Variants in MICAL2 observed in about 807,000 individuals in gnomAD.
The protein encoded by MICAL2 is microtubule associated monooxygenase, calponin and LIM domain containing 2, also known as [F-actin]-monooxygenase MICAL2.
MICAL2 carries 77 observed loss-of-function variants against 127.3 expected under a neutral mutation model. That is an observed-to-expected ratio of 0.60 (90% confidence interval 0.50 to 0.73). The LOEUF (loss-of-function observed/expected upper bound fraction) is 0.73, where lower values mean the gene tolerates loss of function less well. Ranked by LOEUF, MICAL2 falls within the 30% of genes least tolerant of loss-of-function variation. The probability of loss-of-function intolerance (pLI) is 0.00; values close to 1 mark genes in which losing one functional copy is unlikely to be tolerated. For missense variants in MICAL2, 1,351 were observed against 1,434.4 expected (o/e 0.94, Z 0.94); for synonymous variants, 570 against 551.1 (o/e 1.03, Z -0.48).
chr11:12,196,783 C>T (rs759587028), intron 3 of MICAL2, among the ~76,000 whole-genome samples: 8 of 152,202 alleles, frequency 5.3e-5, no homozygotes, highest in East Asian at 1.9e-4. Flanking sequence ...AGTCCCTCCA[C>T]GATCTGGCTC....
Position 12,179,510 on chromosome 11 carries a change from C to T in MICAL2, c.264+17091C>T, listed in dbSNP as rs139132605. On this transcript the variant is annotated intron_variant, in intron 3 of 27. Transcript: ENST00000683283. ...GGAGCTGCTGCTTCTCTTACCATGT[C>T]ATTCTCATGAGACCTGCTGCAAATC... Among the ~76,000 whole-genome samples the T allele has an allele frequency of 2.5e-3, 376 of 152,342 alleles. 7 individuals are homozygous for T. The highest frequency in any genetic ancestry group is 9.1e-3 in the East Asian group (47 of 5,188).
chr11:12,209,711 T>C lies in MICAL2; in HGVS notation c.691+113T>C, dbSNP rs112164750. 2,298 of 954,660 alleles carry C rather than the reference T, an allele frequency of 2.4e-3. 38 individuals carry two copies. The African/African-American group carries it at 0.029, about 12-fold the overall frequency. 59.1% of individuals were successfully genotyped at this position (954,660 alleles called of 1,614,324 possible). On this transcript the variant is annotated intron_variant, in intron 6 of 27. Transcript: ENST00000683283. ...GCAGATGCCAGAGCTGGATGGAGGTTTTGATAGGAGGGCAGACCATCCTGT... is the reference window on the plus strand; with the variant it reads ...GCAGATGCCAGAGCTGGATGGAGGTCTTGATAGGAGGGCAGACCATCCTGT...
intron 26 of MICAL2, chr11:12,261,949 T>C (rs1207537586): frequency 2.0e-6 from 2 of 987,884 alleles, no homozygotes; most frequent in African/African-American, 1.7e-5. Context: ...ATTGTGATTA[T>C]CTTCAGCTCA....
intron 7 of MICAL2, among the ~76,000 whole-genome samples, chr11:12,215,160 G>A (rs1370991869): frequency 6.6e-6 from 1 of 152,198 alleles, no homozygotes; most frequent in Admixed American, 6.5e-5. Flanking sequence ...CAATATAAAT[G>A]AGAGCAGGAC....
chr11:12,155,705 G>T (rs548766410), intron 2 of MICAL2, among the ~76,000 whole-genome samples: 2 of 152,290 alleles, frequency 1.3e-5, no homozygotes, highest in Non-Finnish European at 2.9e-5. Flanking sequence ...AATGAAAAAA[G>T]AAAGAAAAAA....
chr11:12,354,847 G>T, exon 34 of MICAL2: 1 of 1,613,832 alleles, frequency 6.2e-7, no homozygotes. Flanking sequence ...GAGAGAAAAT[G>T]CTCAAGGAGG....
At chr11:12,219,561 G>A (rs987988122) in intron 8 of MICAL2, among the ~76,000 whole-genome samples, 5 of 141,624 alleles carry the variant, frequency 3.5e-5, no homozygotes, top group Non-Finnish European at 6.1e-5. Flanking sequence ...AAAAAGCTAC[G>A]CTGTGAGAGC....
chr11:12,333,542 C>A (rs1361689404), intron 32 of MICAL2, among the ~76,000 whole-genome samples: 2 of 151,986 alleles, frequency 1.3e-5, no homozygotes, highest in African/African-American at 4.8e-5. Flanking sequence ...TGTGGTAAGA[C>A]AAGGCAGAGA....
At chr11:12,349,965 A>T (rs771529839) in intron 33 of MICAL2, 3 of 1,599,508 alleles carry the variant, frequency 1.9e-6, no homozygotes, top group Non-Finnish European at 2.6e-6. Flanking sequence ...GATACCAGCG[A>T]GTCCTAAAAG....
chr11:12,311,938 A>G (rs1864179481), intron 29 of MICAL2, among the ~76,000 whole-genome samples: 2 of 151,890 alleles, frequency 1.3e-5, no homozygotes, highest in African/African-American at 4.8e-5. Flanking sequence ...CACATTTTCT[A>G]TTTCTTCTTG....
chr11:12,174,631 T>C (rs932618165), intron 3 of MICAL2, among the ~76,000 whole-genome samples: 1 of 151,956 alleles, frequency 6.6e-6, no homozygotes, highest in African/African-American at 2.4e-5. Flanking sequence ...AGATGAATAA[T>C]GTGGTGATGA....
chr11:12,358,325 A>T (rs1470728177), exon 35 of MICAL2: 2 of 1,614,146 alleles, frequency 1.2e-6, no homozygotes, highest in Admixed American at 3.3e-5. Flanking sequence ...GATCTAAACG[A>T]AGAGCAAGAA....
Position 12,126,475 on chromosome 11 carries a change from G to A in MICAL2, c.-148-11915G>A, listed in dbSNP as rs188270969. On this transcript the variant is annotated intron_variant, in intron 1 of 27. Coordinates refer to ENST00000683283, the MANE Select transcript of MICAL2 (RefSeq NM_001282663.2). Reference sequence around the variant, plus strand: ...TTGCAGGTAACTGAGATCACAGCTGGCTCTGAAGAAAAAATGCAGCCTCTT... The same window carrying A: ...TTGCAGGTAACTGAGATCACAGCTGACTCTGAAGAAAAAATGCAGCCTCTT... Among the ~76,000 whole-genome samples the A allele has an allele frequency of 8.8e-3, 1,343 of 152,236 alleles. 6 individuals are homozygous for A. The highest frequency in any genetic ancestry group is 0.015 in the Non-Finnish European group (1,016 of 68,030).
At chr11:12,194,991 G>T (rs1196625316) in intron 3 of MICAL2, among the ~76,000 whole-genome samples, 1 of 152,238 alleles carries the variant, frequency 6.6e-6, no homozygotes, top group African/African-American at 2.4e-5. Context: ...GCCAGACACA[G>T]TGGCTCATGT....
chr11:12,262,213 G>A, intron 26 of MICAL2: 1 of 1,352,218 alleles, frequency 7.4e-7, no homozygotes, highest in Non-Finnish European at 9.5e-7. Flanking sequence ...GGAGACGCTA[G>A]AGTAAAATGG....
chr11:12,239,578 T>G lies in MICAL2; in HGVS notation c.2207T>G (p.Met736Arg). The change falls in exon 17 of 28, where the codon ATG becomes AGG. Residue 736 changes from methionine (M) to arginine (R), a missense_variant. Physicochemically the swap from Met to Arg is moderately conservative, Grantham distance 91 (BLOSUM62 -1). Coordinates refer to ENST00000683283, the MANE Select transcript of MICAL2 (RefSeq NM_001282663.2). ...FEESTRNPSL[M>R]KQERRVSGIG... Reference sequence around the variant, plus strand: ...GAGAGCACTCGGAACCCCTCACTCATGAAGCAGGTGAGTCATGTCAAATAC... The same window carrying G: ...GAGAGCACTCGGAACCCCTCACTCAGGAAGCAGGTGAGTCATGTCAAATAC... 6.2e-7 allele frequency: 1 copy of G among 1,614,046 alleles called. No individual in the cohort carries two copies.
At chr11:12,205,570 C>T (rs552487561) in intron 4 of MICAL2, among the ~76,000 whole-genome samples, 1 of 152,276 alleles carries the variant, frequency 6.6e-6, no homozygotes, top group Non-Finnish European at 1.5e-5. Flanking sequence ...GGGAGGTTAA[C>T]ACTATGGGGA....
intron 16 of MICAL2, among the ~76,000 whole-genome samples, chr11:12,238,409 C>T (rs1426003841): frequency 1.3e-5 from 2 of 152,204 alleles, no homozygotes; most frequent in Non-Finnish European, 2.9e-5. Context: ...TCAAGGTCTA[C>T]ATCACCACTT....
chr11:12,325,329 C>T (rs1033944642), intron 31 of MICAL2, among the ~76,000 whole-genome samples: 2 of 152,074 alleles, frequency 1.3e-5, no homozygotes, highest in African/African-American at 2.4e-5. Flanking sequence ...AGGCTGATCT[C>T]GAACTCCTGA....
Sources: gnomAD v4.1 joint callset for allele counts (sites outside exome capture counted in the v4.1 genomes callset) on GRCh38, gnomAD v4.1.1 for gene constraint, MANE v1.5 for transcripts, NCBI Gene and HGNC (gene_info 2026-07-23, HGNC 2026-07-21) for gene names.